PHF10: variants seen among roughly 807,000 people sequenced by gnomAD.
The protein encoded by PHF10 is BRG1-associated factor 45a.
PHF10 carries 51 observed loss-of-function variants against 68.5 expected under a neutral mutation model. The ratio of observed to expected loss-of-function variants is 0.74; its 90% CI spans 0.59 to 0.94. PHF10 has a LOEUF of 0.94. Among genes scored for constraint, PHF10 ranks in the 40% least tolerant of loss-of-function variants. PHF10 has a pLI of 0.00. For synonymous variants in PHF10, 204 were observed against 203.5 expected (o/e 1.00, Z -0.02); for missense variants, 460 against 602.6 (o/e 0.76, Z 2.48).
rs777474030 is a variant in PHF10, at chr6:169,704,022, T to C, written c.1478A>G (p.Lys493Arg). The C allele has an allele frequency of 2.5e-6, 4 of 1,601,566 alleles. No homozygotes were observed. The highest frequency in any genetic ancestry group is 3.4e-6 in the Non-Finnish European group (4 of 1,176,152). Residue 493 changes from lysine (K) to arginine (R), a missense_variant, in exon 12 of 12, where the codon AAA (lysine) becomes AGA (arginine). Lys to Arg is a conservative substitution (Grantham distance 26). This residue lies in a region of PHF10 where 111 missense variants were observed against 109.7 expected (regional missense o/e 1.01). Transcript: ENST00000339209. ...PTPRKVGRRG[K>R]NSKEG ...ACTATTTTATCCCTCTTTGCTGTTT[T>C]TCCCCCTTCTGCCCACTTTCCTGGG...
chr6:169,715,036 T>A (rs1015122656), intron 6 of PHF10, among the ~76,000 whole-genome samples, 194 bp from the exon 7 acceptor site: 2 of 152,168 alleles, frequency 1.3e-5, no homozygotes, highest in Non-Finnish European at 2.9e-5. Flanking sequence ...TAAAGGCCTA[T>A]TCTCCTGAGG....
At position 169,721,001 on chromosome 6, in the gene PHF10, GT is replaced by G. The variant is rs763236363; in HGVS notation, c.194+3del. ...AATATTAATAACCGATAAAATGACA[GT>G]ACCCAAGATCTTGACTTGAAGTTTC... On this transcript the variant is annotated splice_donor_region_variant and intron_variant, in intron 2 of 11. Coordinates refer to ENST00000339209, the MANE Select transcript of PHF10 (RefSeq NM_018288.4). 2,078 of 1,480,450 alleles carry G rather than the reference GT, an allele frequency of 1.4e-3. 7 individuals carry two copies. Among genetic ancestry groups the G allele is most frequent in the Non-Finnish European group, 1.3e-3 (1,428 of 1,085,172 alleles). 91.7% of individuals were successfully genotyped at this position (1,480,450 alleles called of 1,614,324 possible).
intron 9 of PHF10, chr6:169,707,878 T>G (rs1051900888): frequency 6.6e-6 from 1 of 152,224 alleles, no homozygotes; most frequent in African/African-American, 2.4e-5. Context: ...TTTTCTACGA[T>G]GAATGCTGCA....
intron 3 of PHF10, among the ~76,000 whole-genome samples, chr6:169,718,226 A>G (rs1789096744): frequency 6.6e-6 from 1 of 152,196 alleles, no homozygotes; most frequent in South Asian, 2.1e-4. Flanking sequence ...TCAAGAAACA[A>G]TGGTAAAAAT....
chr6:169,724,054 C>A lies in PHF10; in HGVS notation c.-123G>T, dbSNP rs899792701. On this transcript the variant is annotated 5_prime_UTR_variant, in exon 1 of 12. Transcript: ENST00000339209. ...GCCCCCCGCCGCCCCGGCCCCGCCCCCTCCGCCCGCCCGCCCGGGGGCCGG... is the reference window on the plus strand; with the variant it reads ...GCCCCCCGCCGCCCCGGCCCCGCCCACTCCGCCCGCCCGCCCGGGGGCCGG... The A allele has an allele frequency of 6.9e-6, 1 of 145,332 alleles. No individual in the cohort carries two copies. The highest frequency in any genetic ancestry group is 2.5e-5 in the African/African-American group (1 of 39,844). The allele number at this position is 145,332 out of a possible 1,614,324, so 9.0% of individuals were successfully genotyped here.
intron 9 of PHF10, among the ~76,000 whole-genome samples, chr6:169,706,012 G>T (rs967135452): frequency 6.6e-6 from 1 of 152,118 alleles, no homozygotes; most frequent in Non-Finnish European, 1.5e-5. Context: ...TGGAAGGAAA[G>T]ACTAAATACA....
intron 7 of PHF10, among the ~76,000 whole-genome samples, chr6:169,714,455 C>T (rs141395572): frequency 6.6e-6 from 1 of 152,144 alleles, no homozygotes; most frequent in Non-Finnish European, 1.5e-5. Context: ...CGGAACATAC[C>T]CTGAGCAGTG....
intron 8 of PHF10, among the ~76,000 whole-genome samples, chr6:169,711,155 C>T (rs952921201): frequency 1.3e-5 from 2 of 151,982 alleles, no homozygotes; most frequent in Non-Finnish European, 2.9e-5. Flanking sequence ...CATAAAGATA[C>T]CGAGACTCAC....
intron 3 of PHF10, among the ~76,000 whole-genome samples, chr6:169,718,577 G>C (rs561758768): frequency 7.2e-5 from 11 of 152,308 alleles, no homozygotes; most frequent in African/African-American, 2.2e-4. Flanking sequence ...GGCTGAGGCA[G>C]GGAGACAGCT....
Position 169,723,845 on chromosome 6 carries a change from C to A in PHF10, c.87G>T (p.Lys29Asn). Residue 29 changes from lysine (K) to asparagine (N), a missense_variant and splice_region_variant, in exon 1 of 12, where the codon AAG becomes AAT. Lys to Asn is a moderately conservative substitution (Grantham distance 94). Coordinates refer to ENST00000339209, the MANE Select transcript of PHF10 (RefSeq NM_018288.4). ...DPATPGAQSP[K>N]DDNEDNSNDG... is the part of the protein sequence containing the mutation. ...CGGGTCGCACCGGCCGCTTCCTCAC[C>A]TTCGGGGACTGCGCTCCGGGGGTGG... 1 of 1,068,356 alleles carries A rather than the reference C, an allele frequency of 9.4e-7. No individual in the cohort carries two copies. The highest frequency in any genetic ancestry group is 1.2e-6 in the Non-Finnish European group (1 of 867,908). 66.2% of individuals were successfully genotyped at this position (1,068,356 alleles called of 1,614,324 possible).
chr6:169,715,977 G>T lies in PHF10; in HGVS notation c.521C>A (p.Thr174Lys), dbSNP rs1191501954. The change falls in exon 5 of 12, where the codon ACA (threonine) becomes AAA (lysine). Residue 174 changes from threonine to lysine, a missense_variant. This residue lies in a region of PHF10 where 256 missense variants were observed against 410.5 expected (regional missense o/e 0.62). Coordinates refer to ENST00000339209, the MANE Select transcript of PHF10 (RefSeq NM_018288.4). ...ILQEKERQRITDHYKEYSQMQ... is the reference protein window; with the variant it reads ...ILQEKERQRIKDHYKEYSQMQ... ...TACGGAATACTCTTTATAATGGTCT[G>T]TAATTCGTTGACGTTCTTTTTCTTG... is the stretch of plus-strand genomic sequence containing the variant. 6.2e-7 allele frequency: 1 copy of T among 1,608,340 alleles called. No homozygotes were observed. Among genetic ancestry groups the T allele is most frequent in the East Asian group, 2.2e-5 (1 of 44,824 alleles).
chr6:169,719,010 A>G, intron 2 of PHF10, 92 bp from the exon 3 acceptor site: 1 of 821,088 alleles, frequency 1.2e-6, no homozygotes, highest in Admixed American at 2.7e-5. Context: ...TATTTTAAGT[A>G]TTTAAATTAT....
chr6:169,718,017 C>A, intron 3 of PHF10, 111 bp from the exon 4 acceptor site: 5 of 489,806 alleles, frequency 1.0e-5, no homozygotes, highest in South Asian at 4.1e-5. Flanking sequence ...TTACATATTC[C>A]AAATATTATT....
chr6:169,712,467 G>C lies in PHF10; in HGVS notation c.876C>G (p.Leu292=). ...AATCACCATCACTGTCTAGAGCAGG[G>C]AGCTCAGGATCCAGAGGGGGCTCAT... ...ALYEPPLDPE[L]PALDSDGDSD... The change falls in exon 8 of 12, where the codon CTC becomes CTG. Residue 292 remains leucine, a synonymous_variant. Coordinates refer to ENST00000339209, the MANE Select transcript of PHF10 (RefSeq NM_018288.4). 1 of 1,613,920 alleles carries C rather than the reference G, an allele frequency of 6.2e-7. No individual in the cohort carries two copies. The highest frequency in any genetic ancestry group is 1.1e-5 in the South Asian group (1 of 91,068).
chr6:169,722,225 T>G (rs1789197343), intron 1 of PHF10, among the ~76,000 whole-genome samples: 1 of 152,238 alleles, frequency 6.6e-6, no homozygotes, highest in Admixed American at 6.5e-5. Context: ...AATTAACTGG[T>G]TCTTTTCCAA....
intron 1 of PHF10, among the ~76,000 whole-genome samples, chr6:169,722,417 G>A (rs1789201387): frequency 1.3e-5 from 2 of 152,062 alleles, no homozygotes; most frequent in Admixed American, 1.3e-4. Flanking sequence ...CTATTTTACT[G>A]GTGAGCATTT....
intron 9 of PHF10, chr6:169,707,901 AAG>A (rs970581373): frequency 5.9e-5 from 9 of 152,162 alleles, no homozygotes; most frequent in African/African-American, 2.2e-4. Context: ...TCGATATACA[AAG>A]CATCTGCCCT....
At chr6:169,719,956 T>C (rs1486529582) in intron 2 of PHF10, among the ~76,000 whole-genome samples, 2 of 149,680 alleles carry the variant, frequency 1.3e-5, no homozygotes, top group African/African-American at 5.0e-5. Context: ...TAAAATATAT[T>C]TAAAAAGCTC....
At chr6:169,705,073 TG>T in intron 11 of PHF10, 59 bp downstream of exon 11, 1 of 1,303,366 alleles carries the variant, frequency 7.7e-7, no homozygotes, top group Admixed American at 2.1e-5. Context: ...TGCAGCCTTT[TG>T]GAGTGCTGGG....
Sources: allele counts gnomAD v4.1 joint callset (sites outside exome capture counted in the v4.1 genomes callset), GRCh38; gene constraint gnomAD v4.1.1; regional missense constraint gnomAD v4.1.1; transcripts MANE v1.5; gene names NCBI Gene and HGNC (gene_info 2026-07-23, HGNC 2026-07-21).